COL25A1: variants seen among roughly 807,000 people sequenced by gnomAD.
COL25A1 encodes collagen alpha-1(XXV) chain.
In COL25A1, 103 loss-of-function variants were observed where a neutral mutation model predicts 128.4. The observed-to-expected ratio is 0.80, with a 90% CI of 0.68 to 0.94. COL25A1 has a LOEUF of 0.94. COL25A1 is among the 40% of genes least tolerant of loss of function. The probability of loss-of-function intolerance (pLI) is 0.00; values close to 1 mark genes in which losing one functional copy is unlikely to be tolerated. For synonymous variants in COL25A1, 279 were observed against 277.2 expected (o/e 1.01, Z -0.06); for missense variants, 745 against 840.0 (o/e 0.89, Z 1.40).
At chr4:109,023,618 G>A (rs922690751) in intron 5 of COL25A1, among the ~76,000 whole-genome samples, 1 of 152,118 alleles carries the variant, frequency 6.6e-6, no homozygotes, top group Admixed American at 6.6e-5. Flanking sequence ...TATGTCCAAG[G>A]CACCAAGAAT....
chr4:109,245,191 C>T (rs1301938968), intron 3 of COL25A1, among the ~76,000 whole-genome samples: 2 of 152,048 alleles, frequency 1.3e-5, no homozygotes, highest in Non-Finnish European at 2.9e-5. Context: ...CAAAAAACCC[C>T]AGAACTTTCC....
chr4:109,260,032 T>C (rs900027147), intron 3 of COL25A1, among the ~76,000 whole-genome samples: 4 of 152,314 alleles, frequency 2.6e-5, no homozygotes, highest in Middle Eastern at 6.8e-3. Context: ...GAGCTAGAAT[T>C]CCCATTTATG....
Position 109,012,236 on chromosome 4 carries a change from G to A in COL25A1, c.421-1861C>T, listed in dbSNP as rs369000407. Among the ~76,000 whole-genome samples the A allele has an allele frequency of 1.7e-4, 26 of 152,340 alleles. 1 individual carries two copies. Among genetic ancestry groups the A allele is most frequent in the East Asian group, 1.2e-3 (6 of 5,182 alleles). On this transcript the variant is annotated intron_variant, in intron 5 of 37. Coordinates refer to ENST00000399132, the MANE Select transcript of COL25A1 (RefSeq NM_198721.4). ...TATGTTGCCTAGGCTGGCTACAAAG[G>A]TTTTCTCCCAAGAACCACTTATATG...
At chr4:109,070,584 C>T (rs577293973) in intron 3 of COL25A1, among the ~76,000 whole-genome samples, 65 of 152,050 alleles carry the variant, frequency 4.3e-4, no homozygotes, top group Admixed American at 1.9e-3. Context: ...ATGTGCACAA[C>T]GTGCAGGTTT....
chr4:109,225,549 G>A (rs182938829), intron 3 of COL25A1, among the ~76,000 whole-genome samples: 320 of 152,210 alleles, frequency 2.1e-3, no homozygotes, highest in African/African-American at 7.2e-3. Context: ...TGGAGATTTT[G>A]CAAAGAACTA....
At chr4:108,876,735 C>T (rs1359827880) in intron 19 of COL25A1, among the ~76,000 whole-genome samples, 1 of 152,172 alleles carries the variant, frequency 6.6e-6, no homozygotes, top group Non-Finnish European at 1.5e-5. Context: ...TATCTCAGCC[C>T]TGTTGGTGTT....
At chr4:108,930,039 A>G (rs534099262) in intron 11 of COL25A1, among the ~76,000 whole-genome samples, 39 of 152,260 alleles carry the variant, frequency 2.6e-4, no homozygotes, top group African/African-American at 9.4e-4. Flanking sequence ...CTAAGTACCA[A>G]TAACTATTAT....
chr4:109,252,995 T>G (rs934207429), intron 3 of COL25A1, among the ~76,000 whole-genome samples: 3 of 152,186 alleles, frequency 2.0e-5, no homozygotes, highest in Admixed American at 6.5e-5. Flanking sequence ...TCATAAGCTT[T>G]GGGGCTGCTT....
intron 30 of COL25A1, among the ~76,000 whole-genome samples, chr4:108,842,414 TAGAAAA>T (rs1734554873): frequency 1.3e-5 from 2 of 152,206 alleles, no homozygotes; most frequent in African/African-American, 4.8e-5. Context: ...ACATACTTTG[TAGAAAA>T]TCTAAATATA....
intron 28 of COL25A1, 150 bp downstream of exon 28, chr4:108,845,989 C>T: frequency 3.6e-6 from 2 of 561,490 alleles, no homozygotes; most frequent in Non-Finnish European, 6.2e-6. Flanking sequence ...AGTAATTAAC[C>T]AATAATACCT....
Position 108,824,240 on chromosome 4 carries a change from A to C in COL25A1, c.1792-13T>G, listed in dbSNP as rs375677524. The C allele has an allele frequency of 7.8e-4, 1,237 of 1,587,162 alleles. 1 individual carries two copies. Among genetic ancestry groups the C allele is most frequent in the Non-Finnish European group, 9.6e-4 (1,112 of 1,162,682 alleles). ...GACCAGGGAAGCCCTGTAAGATAAA[A>C]AGCAAACCAAAAAGATCTATTGGTG... On this transcript the variant is annotated splice_polypyrimidine_tract_variant and intron_variant, in intron 34 of 37. Transcript: ENST00000399132.
At chr4:109,198,311 C>T (rs1355585001) in intron 3 of COL25A1, among the ~76,000 whole-genome samples, 1 of 151,718 alleles carries the variant, frequency 6.6e-6, no homozygotes, top group Admixed American at 6.6e-5. Context: ...CACACACACA[C>T]ACACACACAC....
At chr4:109,012,471 G>C (rs1224248320) in intron 5 of COL25A1, among the ~76,000 whole-genome samples, 1 of 152,188 alleles carries the variant, frequency 6.6e-6, no homozygotes, top group African/African-American at 2.4e-5. Context: ...GGGAGGTGTG[G>C]AGGGAGAGGC....
At chr4:109,298,130 G>T (rs550581603) in intron 3 of COL25A1, among the ~76,000 whole-genome samples, 13 of 152,066 alleles carry the variant, frequency 8.5e-5, no homozygotes, top group African/African-American at 3.1e-4. Context: ...TCTGTAAAAT[G>T]AGACTGCTAA....
At chr4:109,167,624 TTCCCCACTTTCCC>T (rs970663942) in intron 3 of COL25A1, among the ~76,000 whole-genome samples, 4 of 152,172 alleles carry the variant, frequency 2.6e-5, no homozygotes, top group Non-Finnish European at 5.9e-5. Flanking sequence ...GCTTCCCTTC[TTCCCCACTTTCCC>T]TCCCTACTTC....
At chr4:108,849,839 C>T (rs1313292921) in intron 26 of COL25A1, among the ~76,000 whole-genome samples, 1 of 152,134 alleles carries the variant, frequency 6.6e-6, no homozygotes, top group Non-Finnish European at 1.5e-5. Context: ...GCTCCTTTCC[C>T]TGGTAAAAAC....
intron 3 of COL25A1, among the ~76,000 whole-genome samples, chr4:109,252,926 T>G (rs550254100): frequency 1.3e-5 from 2 of 152,302 alleles, no homozygotes; most frequent in East Asian, 3.9e-4. Flanking sequence ...CATAGCAAAC[T>G]TTCTGTGAGG....
intron 3 of COL25A1, among the ~76,000 whole-genome samples, chr4:109,284,658 C>T (rs904011021): frequency 6.6e-6 from 1 of 152,056 alleles, no homozygotes; most frequent in Admixed American, 6.6e-5. Flanking sequence ...AAGAAAACAC[C>T]ATTAGTCAGT....
At chr4:108,929,618 G>A (rs893507707) in intron 11 of COL25A1, among the ~76,000 whole-genome samples, 2 of 152,142 alleles carry the variant, frequency 1.3e-5, no homozygotes, top group African/African-American at 4.8e-5. Flanking sequence ...CATGCAAGAG[G>A]ATTGCTTGAA....
Sources: allele counts gnomAD v4.1 joint callset (sites outside exome capture counted in the v4.1 genomes callset), GRCh38; gene constraint gnomAD v4.1.1; transcripts MANE v1.5; gene names NCBI Gene and HGNC (gene_info 2026-07-23, HGNC 2026-07-21).